The following ARHGAP15 variants were observed in gnomAD, a reference collection of about 807,000 sequenced individuals.
ARHGAP15 encodes the protein rho GTPase-activating protein 15.
A neutral mutation model predicts 63.7 loss-of-function variants in ARHGAP15; 51 were observed. The ratio of observed to expected loss-of-function variants is 0.80; its 90% CI spans 0.64 to 1.01. ARHGAP15 has a LOEUF of 1.01. Ranked by LOEUF, ARHGAP15 falls within the 50% of genes least tolerant of loss-of-function variation. The probability of loss-of-function intolerance (pLI) is 0.00; values close to 1 mark genes in which losing one functional copy is unlikely to be tolerated. For synonymous variants in ARHGAP15, 191 were observed against 193.8 expected, an observed-to-expected ratio of 0.99 and a Z score of 0.12; for missense variants, 560 against 564.6, an observed-to-expected ratio of 0.99 and a Z score of 0.08.
At chr2:143,203,222 C>G (rs1004689032) in intron 3 of ARHGAP15, among the ~76,000 whole-genome samples, 1 of 152,104 alleles carries the variant, frequency 6.6e-6, no homozygotes, top group Non-Finnish European at 1.5e-5. Flanking sequence ...TTTTCTATTG[C>G]TTTTCATGTT....
intron 13 of ARHGAP15, among the ~76,000 whole-genome samples, chr2:143,731,272 T>G (rs1685522312): frequency 6.6e-6 from 1 of 152,186 alleles, no homozygotes; most frequent in African/African-American, 2.4e-5. Context: ...CTAATTATTC[T>G]AGGTCGTTAA....
intron 9 of ARHGAP15, among the ~76,000 whole-genome samples, chr2:143,495,096 G>A (rs560181035): frequency 4.6e-5 from 7 of 152,100 alleles, no homozygotes; most frequent in African/African-American, 1.7e-4. Flanking sequence ...TGATATATGC[G>A]AAAATGGTGC....
intron 11 of ARHGAP15, among the ~76,000 whole-genome samples, chr2:143,575,555 C>G (rs1696645932): frequency 6.6e-6 from 1 of 152,088 alleles, no homozygotes; most frequent in Non-Finnish European, 1.5e-5. Context: ...CTTTCTTTTC[C>G]CTACTGTAAG....
chr2:143,618,970 A>G (rs181987327), intron 11 of ARHGAP15, among the ~76,000 whole-genome samples: 1 of 149,646 alleles, frequency 6.7e-6, no homozygotes, highest in Non-Finnish European at 1.5e-5. Context: ...GATTACAGGC[A>G]TGCCACCATG....
rs1693314147 is a variant in ARHGAP15, at chr2:143,228,590, G to C, written c.306G>C (p.Trp102Cys). Reference protein sequence around the residue: ...ADGGKKLRKNWSTSWIVLSSR... With the variant: ...ADGGKKLRKNCSTSWIVLSSR... Reference sequence around the variant, plus strand: ...ATTTTTTTGTCCTAAGGAAAAACTGGTCTACTTCCTGGATTGTTCTTTCTA... The same window carrying C: ...ATTTTTTTGTCCTAAGGAAAAACTGCTCTACTTCCTGGATTGTTCTTTCTA... Residue 102 changes from tryptophan (W) to cysteine (C), a missense_variant, in exon 5 of 14, where the codon TGG becomes TGC. Physicochemically the swap from Trp to Cys is radical, Grantham distance 215. Transcript: ENST00000295095. 1 of 1,603,882 alleles carries C rather than the reference G, an allele frequency of 6.2e-7. No individual in the cohort carries two copies. The highest frequency in any genetic ancestry group is 1.7e-5 in the Admixed American group (1 of 58,686).
Position 143,768,177 on chromosome 2 carries a change from C to CA in ARHGAP15, c.*7dup. ...TTCGGCTCAGAGGAAGACTGACAGA[C>CA]AAGACAAGCTACTGAATACGTTCAC... On this transcript the variant is annotated 3_prime_UTR_variant, in exon 14 of 14. Coordinates refer to ENST00000295095, the MANE Select transcript of ARHGAP15 (RefSeq NM_018460.4). 6.2e-7 allele frequency: 1 copy of CA among 1,612,314 alleles called. No individual in the cohort carries two copies. Among genetic ancestry groups the CA allele is most frequent in the East Asian group, 2.2e-5 (1 of 44,806 alleles).
At chr2:143,457,527 GT>G (rs911224347) in intron 8 of ARHGAP15, among the ~76,000 whole-genome samples, 13 of 149,128 alleles carry the variant, frequency 8.7e-5, no homozygotes, top group South Asian at 2.1e-4. Context: ...ACCCTGTGTT[GT>G]TTTTTTTTAA....
At chr2:143,225,079 C>G (rs1408588737) in intron 4 of ARHGAP15, among the ~76,000 whole-genome samples, 1 of 152,166 alleles carries the variant, frequency 6.6e-6, no homozygotes, top group Non-Finnish European at 1.5e-5. Flanking sequence ...GTCCAGGGCC[C>G]CATGCTCAGA....
chr2:143,295,714 T>C (rs1008789498), intron 6 of ARHGAP15: 1 of 152,002 alleles, frequency 6.6e-6, no homozygotes, highest in African/African-American at 2.4e-5. Context: ...TTTTAGGAAT[T>C]AGTGAGAGTT....
intron 11 of ARHGAP15, among the ~76,000 whole-genome samples, chr2:143,605,895 G>T (rs1350818964): frequency 7.3e-6 from 1 of 136,802 alleles, no homozygotes; most frequent in African/African-American, 2.6e-5. Flanking sequence ...AATTAGCCAG[G>T]CATAGCGGCG....
chr2:143,134,605 G>A (rs1445051385), intron 1 of ARHGAP15, among the ~76,000 whole-genome samples: 1 of 151,602 alleles, frequency 6.6e-6, no homozygotes, highest in Non-Finnish European at 1.5e-5. Context: ...ACTAGAGATA[G>A]CATATATGAA....
chr2:143,373,629 CAAAAAAAAAAAAAA>C (rs58153000), intron 6 of ARHGAP15, among the ~76,000 whole-genome samples: 6 of 62,968 alleles, frequency 9.5e-5, no homozygotes, highest in South Asian at 8.1e-4. Context: ...GACTCTATCT[CAAAAAAAAAAAAAA>C]AAAAAAAAAA....
At chr2:143,293,219 A>G (rs1192291254) in intron 6 of ARHGAP15, among the ~76,000 whole-genome samples, 1 of 151,996 alleles carries the variant, frequency 6.6e-6, no homozygotes, top group Admixed American at 6.6e-5. Context: ...GAGAATCTTC[A>G]CCACCCAATA....
At chr2:143,380,193 A>C (rs1558932617) in intron 6 of ARHGAP15, among the ~76,000 whole-genome samples, 1 of 152,264 alleles carries the variant, frequency 6.6e-6, no homozygotes, top group South Asian at 2.1e-4. Flanking sequence ...TTAGTCTCCT[A>C]CTTAATCTAC....
At chr2:143,405,201 A>T (rs1688148064) in intron 6 of ARHGAP15, among the ~76,000 whole-genome samples, 1 of 151,686 alleles carries the variant, frequency 6.6e-6, no homozygotes, top group Non-Finnish European at 1.5e-5. Context: ...AAGTATATTA[A>T]GTAAGTTTGA....
rs1680933343 is a variant in ARHGAP15, at chr2:143,647,374, AAAG to A, written c.1138+23110_1138+23112del. Among the ~76,000 whole-genome samples, 4 of 150,848 alleles carry A rather than the reference AAAG, an allele frequency of 2.7e-5. No individual in the cohort carries two copies. In the East Asian group the frequency reaches 7.8e-4, roughly 29 times the overall value. ...ACCAAGTAGTTAAAAAAAAAAAAAA[AAAG>A]AACATAAAAAAAGCAAGGCACTTAT... is the stretch of plus-strand genomic sequence containing the variant. On this transcript the variant is annotated intron_variant, in intron 12 of 13. Coordinates refer to ENST00000295095, the MANE Select transcript of ARHGAP15 (RefSeq NM_018460.4).
intron 1 of ARHGAP15, among the ~76,000 whole-genome samples, chr2:143,131,298 G>T (rs1468259905): frequency 6.6e-6 from 1 of 152,196 alleles, no homozygotes; most frequent in Non-Finnish European, 1.5e-5. Context: ...TTGCAAATAA[G>T]TTACTATAGA....
intron 6 of ARHGAP15, among the ~76,000 whole-genome samples, chr2:143,254,655 C>T (rs146233356): frequency 1.1e-4 from 17 of 152,096 alleles, no homozygotes; most frequent in African/African-American, 3.6e-4. Flanking sequence ...TAATTATTTC[C>T]GTGTCATTAA....
intron 6 of ARHGAP15, among the ~76,000 whole-genome samples, chr2:143,382,773 G>A (rs1026469109): frequency 3.3e-5 from 5 of 152,194 alleles, no homozygotes; most frequent in African/African-American, 1.2e-4. Context: ...GCCGGCTGCT[G>A]TCTTGTCTGC....
Sources: allele counts gnomAD v4.1 joint callset (sites outside exome capture counted in the v4.1 genomes callset), GRCh38; gene constraint gnomAD v4.1.1; transcripts MANE v1.5; gene names NCBI Gene and HGNC (gene_info 2026-07-23, HGNC 2026-07-21).